Variants in ERBB4 observed in about 807,000 individuals in gnomAD.
ERBB4 encodes receptor tyrosine-protein kinase erbB-4.
Under a neutral mutation model 158.0 loss-of-function variants are expected in ERBB4, and 42 were observed. The observed-to-expected ratio is 0.27, with a 90% CI of 0.21 to 0.34. The LOEUF is 0.34. ERBB4 is among the 10% of genes least tolerant of loss of function. ERBB4 has a pLI of 1.00. For missense variants in ERBB4, 1,333 were observed against 1,624.1 expected, an observed-to-expected ratio of 0.82 and a Z score of 3.08; for synonymous variants, 583 against 558.7, an observed-to-expected ratio of 1.04 and a Z score of -0.61.
intron 22 of ERBB4, among the ~76,000 whole-genome samples, chr2:211,427,930 T>C (rs2125421190): frequency 7.2e-6 from 1 of 138,266 alleles, no homozygotes; most frequent in East Asian, 2.1e-4. Flanking sequence ...TATTACATTG[T>C]AATAAACCAG....
intron 2 of ERBB4, among the ~76,000 whole-genome samples, chr2:212,055,151 C>G (rs1815024): frequency 6.6e-6 from 1 of 152,122 alleles, no homozygotes; most frequent in Admixed American, 6.5e-5. Context: ...CCAGGTTATA[C>G]TCCGCACCTG....
At chr2:211,568,138 A>T (rs1463416652) in intron 19 of ERBB4, among the ~76,000 whole-genome samples, 2 of 148,710 alleles carry the variant, frequency 1.3e-5, no homozygotes, top group Non-Finnish European at 3.0e-5. Flanking sequence ...TTGCTTTACA[A>T]TTTTTTTTTT....
chr2:211,636,395 C>T (rs1465165810), intron 16 of ERBB4, among the ~76,000 whole-genome samples: 1 of 151,882 alleles, frequency 6.6e-6, no homozygotes, highest in African/African-American at 2.4e-5. Flanking sequence ...TAAATATACA[C>T]AAATACATTC....
At chr2:211,736,746 C>T (rs1456852506) in intron 5 of ERBB4, among the ~76,000 whole-genome samples, 3 of 152,028 alleles carry the variant, frequency 2.0e-5, no homozygotes, top group African/African-American at 7.2e-5. Context: ...GCTTTTTATT[C>T]CCACCATAAT....
At chr2:212,040,228 T>C (rs1351432969) in intron 2 of ERBB4, among the ~76,000 whole-genome samples, 7 of 152,040 alleles carry the variant, frequency 4.6e-5, no homozygotes. Context: ...AAAATATATG[T>C]ACTTTTTAAG....
intron 1 of ERBB4, among the ~76,000 whole-genome samples, chr2:212,237,601 A>AT (rs1300056014): frequency 6.6e-6 from 1 of 152,108 alleles, no homozygotes; most frequent in East Asian, 1.9e-4. Flanking sequence ...CAGAGCTCGA[A>AT]TGCTATGCTG....
intron 1 of ERBB4, among the ~76,000 whole-genome samples, chr2:212,158,593 C>T (rs1362193059): frequency 1.3e-5 from 2 of 151,806 alleles, no homozygotes; most frequent in African/African-American, 2.4e-5. Context: ...TATTTTGTAC[C>T]AAATTATTAA....
chr2:212,039,820 C>T (rs2077096255), intron 2 of ERBB4, among the ~76,000 whole-genome samples: 1 of 151,896 alleles, frequency 6.6e-6, no homozygotes. Flanking sequence ...AGATGCCACA[C>T]ACAAATGCCT....
intron 3 of ERBB4, among the ~76,000 whole-genome samples, chr2:211,889,637 C>CA (rs1423196929): frequency 5.5e-5 from 8 of 146,700 alleles, no homozygotes; most frequent in Non-Finnish European, 1.2e-4. Context: ...AAACCAAAGG[C>CA]AAAGAAGTTG....
rs184489734 is a variant in ERBB4 at position 211,752,266 on chromosome 2, G to C, written c.557-1562C>G. ...GGACTGTGAGACAAAATAGGAAGCA[G>C]TGAAAACTTTTTGGAGTACAAACTT... On this transcript the variant is annotated intron_variant, in intron 4 of 27. Transcript: ENST00000342788. 4.0e-3 allele frequency among the ~76,000 whole-genome samples: 612 copies of C among 152,218 alleles called. 2 individuals are homozygous for C. The highest frequency in any genetic ancestry group is 0.014 in the African/African-American group (596 of 41,574).
At chr2:212,177,865 A>T (rs1232906388) in intron 1 of ERBB4, among the ~76,000 whole-genome samples, 1 of 151,910 alleles carries the variant, frequency 6.6e-6, no homozygotes, top group Non-Finnish European at 1.5e-5. Flanking sequence ...AGGCCAGAAG[A>T]GGGGGTCATG....
intron 2 of ERBB4, among the ~76,000 whole-genome samples, chr2:212,096,595 A>G (rs1185968253): frequency 3.3e-5 from 5 of 152,192 alleles, no homozygotes; most frequent in African/African-American, 1.2e-4. Context: ...TGAAACTCAC[A>G]TAGTATACAT....
chr2:211,561,680 C>G (rs2067396555), intron 20 of ERBB4: 1 of 537,948 alleles, frequency 1.9e-6, no homozygotes, highest in Non-Finnish European at 3.3e-6. Context: ...GGCACCTAGT[C>G]AATTCAATAA....
At chr2:211,520,078 A>G (rs976498641) in intron 20 of ERBB4, among the ~76,000 whole-genome samples, 2 of 152,162 alleles carry the variant, frequency 1.3e-5, no homozygotes, top group African/African-American at 4.8e-5. Flanking sequence ...TAATTGGATC[A>G]TGTTTAGAAA....
chr2:212,249,158 T>C (rs1262697251), intron 1 of ERBB4, among the ~76,000 whole-genome samples: 1 of 152,076 alleles, frequency 6.6e-6, no homozygotes, highest in Non-Finnish European at 1.5e-5. Flanking sequence ...GCATAGTAAT[T>C]AGGTAAATTC....
intron 20 of ERBB4, among the ~76,000 whole-genome samples, chr2:211,435,330 T>C (rs6742399): frequency 0.52 from 79,279 of 152,034 alleles, 21,975 homozygotes; most frequent in Middle Eastern, 0.63. Context: ...ATTGACCCAG[T>C]ACTTAGAACA....
intron 1 of ERBB4, among the ~76,000 whole-genome samples, chr2:212,376,908 G>A (rs1172856651): frequency 2.6e-5 from 4 of 151,882 alleles, no homozygotes; most frequent in Admixed American, 2.0e-4. Flanking sequence ...GCAAACTATT[G>A]AGAAAACACA....
chr2:211,826,542 A>G (rs1409947103), intron 3 of ERBB4, among the ~76,000 whole-genome samples: 1 of 151,924 alleles, frequency 6.6e-6, no homozygotes, highest in Non-Finnish European at 1.5e-5. Flanking sequence ...CTAAAATAAC[A>G]TCTCACAAGG....
intron 11 of ERBB4, among the ~76,000 whole-genome samples, chr2:211,703,020 A>G (rs945975458): frequency 6.6e-6 from 1 of 152,214 alleles, no homozygotes; most frequent in African/African-American, 2.4e-5. Flanking sequence ...GCTAATGAAT[A>G]TTATTTTACA....
Sources: allele counts gnomAD v4.1 joint callset (sites outside exome capture counted in the v4.1 genomes callset), GRCh38; gene constraint gnomAD v4.1.1; transcripts MANE v1.5; gene names NCBI Gene and HGNC (gene_info 2026-07-23, HGNC 2026-07-21).